The following GREB1 variants were observed in gnomAD, a reference collection of about 807,000 sequenced individuals.
GREB1 encodes growth regulating estrogen receptor binding 1.
A neutral mutation model predicts 200.7 loss-of-function variants in GREB1; 106 were observed. The ratio of observed to expected loss-of-function variants is 0.53; its 90% CI spans 0.45 to 0.62. The LOEUF is 0.62. Among genes scored for constraint, GREB1 ranks in the 20% least tolerant of loss-of-function variants. The pLI is 0.00. For missense variants in GREB1, 2,243 were observed against 2,556.8 expected, an observed-to-expected ratio of 0.88 and a Z score of 2.65; for synonymous variants, 1,132 against 1,092.4, an observed-to-expected ratio of 1.04 and a Z score of -0.72.
rs1238355076 is a variant in GREB1, at chr2:11,635,255, T to G, written c.5211-15T>G. ...TGTGCCCCATCAGACCCACCCCTCC[T>G]CTGGCCCTGAGTAGGTTCCTGTGTG... On this transcript the variant is annotated splice_polypyrimidine_tract_variant and intron_variant, in intron 29 of 32. Coordinates refer to ENST00000381486, the MANE Select transcript of GREB1 (RefSeq NM_014668.4). 1.9e-6 allele frequency: 3 copies of G among 1,613,824 alleles called. No individual in the cohort carries two copies. The highest frequency in any genetic ancestry group is 2.5e-6 in the Non-Finnish European group (3 of 1,179,774).
At chr2:11,569,608 C>T (rs1345188505) in intron 4 of GREB1, among the ~76,000 whole-genome samples, 4 of 152,220 alleles carry the variant, frequency 2.6e-5, no homozygotes, top group African/African-American at 9.6e-5. Flanking sequence ...GAGCATTTAT[C>T]GTGTGCCAGA....
intron 10 of GREB1, chr2:11,591,520 A>C: frequency 1.4e-6 from 1 of 705,822 alleles, no homozygotes. Context: ...ATCACAAATC[A>C]AGTCATCTTT....
intron 11 of GREB1, 120 bp downstream of exon 11, chr2:11,593,246 C>T (rs545880426): frequency 1.5e-6 from 1 of 661,220 alleles, no homozygotes; most frequent in South Asian, 2.0e-5. Flanking sequence ...CAGTTAGCAC[C>T]TGCGGTTTGT....
chr2:11,617,773 C>G (rs550620448), intron 21 of GREB1, among the ~76,000 whole-genome samples: 2 of 152,126 alleles, frequency 1.3e-5, no homozygotes, highest in Non-Finnish European at 2.9e-5. Context: ...GCTGAGAGTC[C>G]CTGCTGTTTG....
chr2:11,487,542 T>C (rs1672683098), intron 1 of GREB1, among the ~76,000 whole-genome samples: 1 of 152,202 alleles, frequency 6.6e-6, no homozygotes, highest in African/African-American at 2.4e-5. Flanking sequence ...AGAGGGTATA[T>C]TTTAGGGGTA....
chr2:11,533,294 G>A (rs559357341), upstream of GREB1, among the ~76,000 whole-genome samples: 2 of 152,214 alleles, frequency 1.3e-5, no homozygotes, highest in Admixed American at 6.5e-5. Context: ...CACTCATCTT[G>A]AAAAAAACAG....
intron 23 of GREB1, among the ~76,000 whole-genome samples, chr2:11,623,243 G>T (rs1684154756): frequency 6.6e-6 from 1 of 152,174 alleles, no homozygotes; most frequent in Non-Finnish European, 1.5e-5. Context: ...AAATTAACCT[G>T]CACTGCCAGT....
intron 7 of GREB1, 97 bp from the exon 8 acceptor site, chr2:11,585,064 A>C (rs529144049): frequency 4.7e-5 from 28 of 593,288 alleles, no homozygotes; most frequent in African/African-American, 2.7e-4. Flanking sequence ...AAAAAAAAAA[A>C]CAAAACAAAA....
intron 1 of GREB1, among the ~76,000 whole-genome samples, chr2:11,520,964 C>T (rs915833529): frequency 2.6e-5 from 4 of 152,248 alleles, no homozygotes; most frequent in South Asian, 4.2e-4. Context: ...TAGCAGGGGG[C>T]GTCTGGGATC....
chr2:11,507,786 G>A (rs1456868545), intron 1 of GREB1, among the ~76,000 whole-genome samples: 1 of 152,102 alleles, frequency 6.6e-6, no homozygotes, highest in African/African-American at 2.4e-5. Flanking sequence ...CTCTGGTCCC[G>A]ACTCTACCAT....
upstream of GREB1, among the ~76,000 whole-genome samples, chr2:11,531,337 T>A (rs113735803): frequency 0.012 from 1,803 of 152,268 alleles, 47 homozygotes; most frequent in African/African-American, 0.041. Context: ...CAGAGCCAGG[T>A]TGGTGCGACT....
intron 1 of GREB1, among the ~76,000 whole-genome samples, chr2:11,502,571 GT>G (rs1338081390): frequency 6.6e-6 from 1 of 151,858 alleles, no homozygotes; most frequent in African/African-American, 2.4e-5. Flanking sequence ...GTTTTCCTCA[GT>G]TCATATATTT....
Position 11,593,024 on chromosome 2 carries a change from A to G in GREB1, c.1594A>G (p.Met532Val), listed in dbSNP as rs553049977. The G allele has an allele frequency of 6.2e-6, 10 of 1,612,436 alleles. No individual in the cohort carries two copies. In the East Asian group the frequency reaches 1.3e-4, roughly 22 times the overall value. ...CTCCCTGGCCGAGGGCCTCTCCGAG[A>G]TGTTCCGGCTGTTGGTCGAGGGCAA... Reference protein sequence around the residue: ...AYSLAEGLSEMFRLLVEGKLA... With the variant: ...AYSLAEGLSEVFRLLVEGKLA... The change falls in exon 11 of 33, where the codon ATG (methionine) becomes GTG (valine). Residue 532 changes from methionine (M) to valine (V), a missense_variant. Physicochemically the swap from Met to Val is conservative, Grantham distance 21 (BLOSUM62 1). This residue lies in a region of GREB1 where 1,178 missense variants were observed against 1,387.4 expected (regional missense o/e 0.85). Transcript: ENST00000381486.
At chr2:11,616,559 C>T (rs991029242) in intron 20 of GREB1, 72 bp from the exon 21 acceptor site, 2 of 917,562 alleles carry the variant, frequency 2.2e-6, no homozygotes, top group African/African-American at 3.2e-5. Flanking sequence ...ACACTTTACA[C>T]ACTGTGAAGT....
chr2:11,635,723 A>T (rs1037188474), intron 30 of GREB1, among the ~76,000 whole-genome samples: 1 of 152,070 alleles, frequency 6.6e-6, no homozygotes, highest in Non-Finnish European at 1.5e-5. Context: ...GGCCCCTGGG[A>T]TGGTGCCTAG....
Position 11,548,984 on chromosome 2 carries a change from C to T in GREB1, c.-161-7470C>T, listed in dbSNP as rs754408946. On this transcript the variant is annotated intron_variant, in intron 1 of 32. Transcript: ENST00000381486. This position sits in a 1 kb window ranked among gnomAD's most constrained non-coding sequence, Gnocchi z 5.1. Reference sequence around the variant, plus strand: ...TTGCTGTTGAGAAATCCAAAGTCATCCTGATTATTTTAAGCCCTTGAATGT... The same window carrying T: ...TTGCTGTTGAGAAATCCAAAGTCATTCTGATTATTTTAAGCCCTTGAATGT... 1.3e-5 allele frequency among the ~76,000 whole-genome samples: 2 copies of T among 152,222 alleles called. No homozygotes were observed. The highest frequency in any genetic ancestry group is 3.4e-3 in the Middle Eastern group (1 of 294).
chr2:11,550,857 G>C (rs1364146783), intron 1 of GREB1, among the ~76,000 whole-genome samples: 1 of 152,160 alleles, frequency 6.6e-6, no homozygotes, highest in Non-Finnish European at 1.5e-5. Context: ...TAGAGACAAT[G>C]CATGTTCTCC....
chr2:11,621,812 C>T lies in GREB1; in HGVS notation c.4147+805C>T, dbSNP rs74635646. Among the ~76,000 whole-genome samples, 158 of 152,304 alleles carry T rather than the reference C, an allele frequency of 1.0e-3. 1 individual carries two copies. Among genetic ancestry groups the T allele is most frequent in the African/African-American group, 3.7e-3 (153 of 41,570 alleles). On this transcript the variant is annotated intron_variant, in intron 23 of 32. Transcript: ENST00000381486. ...GAGCCAAGGAAGCCCATCCAGCCCTCGGCCTTCCCTCCCAGGAAAGGAGAG... is the reference window on the plus strand; with the variant it reads ...GAGCCAAGGAAGCCCATCCAGCCCTTGGCCTTCCCTCCCAGGAAAGGAGAG...
chr2:11,587,357 T>C (rs1476080874), intron 9 of GREB1: 2 of 1,566,560 alleles, frequency 1.3e-6, no homozygotes, highest in Admixed American at 1.7e-5. Context: ...TAGCAACTCT[T>C]TACCTTGCCT....
Sources: gnomAD v4.1 joint callset for allele counts (sites outside exome capture counted in the v4.1 genomes callset) on GRCh38, gnomAD v4.1.1 for gene constraint, gnomAD v4.1.1 regional missense constraint, Gnocchi (gnomAD v3.1) non-coding constraint, MANE v1.5 for transcripts, NCBI Gene and HGNC (gene_info 2026-07-23, HGNC 2026-07-21) for gene names.